The following SH3TC2 variants were observed in gnomAD, a reference collection of about 807,000 sequenced individuals.
SH3TC2 encodes the protein SH3 domain and tetratricopeptide repeats 2.
In SH3TC2, 87 loss-of-function variants were observed where a neutral mutation model predicts 124.5. The observed-to-expected ratio is 0.70, with a 90% CI of 0.59 to 0.84. The LOEUF is 0.84. SH3TC2 is among the 40% of genes least tolerant of loss of function. The probability of loss-of-function intolerance (pLI) is 0.00; values close to 1 mark genes in which losing one functional copy is unlikely to be tolerated. For missense variants in SH3TC2, 1,536 were observed against 1,566.4 expected, an observed-to-expected ratio of 0.98 and a Z score of 0.33; for synonymous variants, 634 against 628.5, an observed-to-expected ratio of 1.01 and a Z score of -0.13.
intron 12 of SH3TC2, among the ~76,000 whole-genome samples, chr5:149,021,440 A>G (rs1011217215): frequency 1.3e-5 from 2 of 152,094 alleles, no homozygotes; most frequent in African/African-American, 4.8e-5. Context: ...TGAGAGCAAA[A>G]ATAAATGATA....
chr5:149,041,454 C>A lies in SH3TC2; in HGVS notation c.693G>T (p.Leu231=). The A allele has an allele frequency of 1.2e-6, 2 of 1,613,574 alleles. No homozygotes were observed. Among genetic ancestry groups the A allele is most frequent in the Non-Finnish European group, 1.7e-6 (2 of 1,180,026 alleles). ...GAGGCAGAGGCTCCAAGGCTGACAC[C>A]AGTACCAGGCCCCGCTGACCTGTCA... ...SLVTGQRGLV[L]VSALEPLPLP... is the part of the protein sequence containing the mutation. Residue 231 remains leucine, a synonymous_variant, in exon 6 of 17, where the codon CTG becomes CTT. Transcript: ENST00000515425.
chr5:149,038,388 G>A lies in SH3TC2; in HGVS notation c.908C>T (p.Pro303Leu), dbSNP rs778572329. Residue 303 changes from proline to leucine, a missense_variant, in exon 8 of 17, where the codon CCT becomes CTT. Transcript: ENST00000515425. ...CTTTCCAATGAACCACTGAAGCCCA[G>A]GTATGACAAAGCCGATGATCTCAAT... ...ESIEIIGFVI[P>L]GLQWFIGKST... 1 of 1,614,166 alleles carries A rather than the reference G, an allele frequency of 6.2e-7. No individual in the cohort carries two copies. The highest frequency in any genetic ancestry group is 2.2e-5 in the East Asian group (1 of 44,864).
Position 149,027,251 on chromosome 5 carries a change from C to A in SH3TC2, c.2481G>T (p.Lys827Asn), listed in dbSNP as rs1235182315. 1 of 1,614,204 alleles carries A rather than the reference C, an allele frequency of 6.2e-7. No individual in the cohort carries two copies. The highest frequency in any genetic ancestry group is 1.3e-5 in the African/African-American group (1 of 75,070). Residue 827 changes from lysine to asparagine, a missense_variant, in exon 11 of 17, where the codon AAG (lysine) becomes AAT (asparagine). Physicochemically the swap from Lys to Asn is moderately conservative, Grantham distance 94 (BLOSUM62 0). Around this residue, in one of 3 missense-constraint regions of SH3TC2, gnomAD observed 1,102 missense variants for 1,098.6 expected, o/e 1.00. Coordinates refer to ENST00000515425, the MANE Select transcript of SH3TC2 (RefSeq NM_024577.4). ...CCCTTTGAGTGAGACTCTCTGTCTC[C>A]TTCAGGGAGCATAGCAGTGGCTCAA... ...DVLEPLLCSL[K>N]ETESLTQRGV...
At chr5:149,020,241 G>A (rs1274121794) in intron 12 of SH3TC2, among the ~76,000 whole-genome samples, 1 of 152,014 alleles carries the variant, frequency 6.6e-6, no homozygotes, top group Non-Finnish European at 1.5e-5. Context: ...AGGGCTGTGA[G>A]CATGATCAGG....
chr5:148,994,199 G>A lies in SH3TC2; in HGVS notation c.*10512C>T, dbSNP rs1157990437. Among the ~76,000 whole-genome samples the A allele has an allele frequency of 1.3e-5, 2 of 152,180 alleles. No homozygotes were observed. The highest frequency in any genetic ancestry group is 2.4e-5 in the African/African-American group (1 of 41,440). On this transcript the variant is annotated 3_prime_UTR_variant, in exon 17 of 17. Coordinates refer to ENST00000515425, the MANE Select transcript of SH3TC2 (RefSeq NM_024577.4). ...AATACTTGCAATATAGATAAGGCTT[G>A]GACTGGTGTCCTGAAGCTGCCACTC...
intron 16 of SH3TC2, among the ~76,000 whole-genome samples, chr5:149,005,228 C>T (rs1029347637): frequency 7.2e-5 from 11 of 152,200 alleles, no homozygotes; most frequent in African/African-American, 2.7e-4. Context: ...ACATCTGCCA[C>T]TCCCTGGGAC....
chr5:149,046,825 T>A (rs1004758424), intron 3 of SH3TC2: 3 of 152,076 alleles, frequency 2.0e-5, no homozygotes, highest in African/African-American at 7.2e-5. Flanking sequence ...ATTCCAGATA[T>A]TAAAAAAAAT....
chr5:149,051,010 C>A (rs1446966636), intron 2 of SH3TC2, among the ~76,000 whole-genome samples: 2 of 152,072 alleles, frequency 1.3e-5, no homozygotes, highest in East Asian at 3.9e-4. Context: ...TAGCGATGGG[C>A]AAGCAAAAAT....
At chr5:149,045,419 C>T (rs1754441800) in intron 3 of SH3TC2, 1 of 152,142 alleles carries the variant, frequency 6.6e-6, no homozygotes, top group African/African-American at 2.4e-5. Flanking sequence ...TTTTAAAATC[C>T]TAAATGGTAC....
rs1754370621 is a variant in SH3TC2, at chr5:149,041,497, A to G, written c.650T>C (p.Leu217Ser). 3 of 1,614,168 alleles carry G rather than the reference A, an allele frequency of 1.9e-6. No individual in the cohort carries two copies. Among genetic ancestry groups the G allele is most frequent in the Non-Finnish European group, 2.5e-6 (3 of 1,180,036 alleles). The change falls in exon 6 of 17, where the codon TTG becomes TCG. Residue 217 changes from leucine (L) to serine (S), a missense_variant. By Grantham distance (145) the Leu-to-Ser change is moderately radical (BLOSUM62 -2). Coordinates refer to ENST00000515425, the MANE Select transcript of SH3TC2 (RefSeq NM_024577.4). ...SVKMAEAGSE[L>S]EGVSLVTGQR... is the part of the protein sequence containing the mutation. Reference sequence around the variant, plus strand: ...ACCTGTCACCAAAGACACGCCTTCCAACTCGGAGCCAGCTTCTGCCATCTT... The same window carrying G: ...ACCTGTCACCAAAGACACGCCTTCCGACTCGGAGCCAGCTTCTGCCATCTT...
intron 12 of SH3TC2, 114 bp from the exon 13 acceptor site, chr5:149,012,848 A>T: frequency 1.2e-5 from 15 of 1,206,970 alleles, no homozygotes; most frequent in Non-Finnish European, 1.7e-5. Flanking sequence ...CACATCACAC[A>T]GGGAGGTGGG....
chr5:149,014,266 C>T (rs1400965283), intron 12 of SH3TC2, among the ~76,000 whole-genome samples: 3 of 152,180 alleles, frequency 2.0e-5, no homozygotes, highest in African/African-American at 7.2e-5. Flanking sequence ...AGTTGCAATC[C>T]AGGAACCTGA....
chr5:149,008,774 C>G, intron 15 of SH3TC2, 77 bp downstream of exon 15: 1 of 1,590,014 alleles, frequency 6.3e-7, no homozygotes, highest in Non-Finnish European at 8.6e-7. Flanking sequence ...CCAGGGCCTG[C>G]GGTGTTATTG....
intron 1 of SH3TC2, among the ~76,000 whole-genome samples, chr5:149,061,239 G>C (rs1464045952): frequency 6.6e-6 from 1 of 152,118 alleles, no homozygotes; most frequent in African/African-American, 2.4e-5. Context: ...TTGTTTGTTT[G>C]TTTGTTTGTT....
rs931205650 is a variant in SH3TC2 at position 148,994,280 on chromosome 5, T to C, written c.*10431A>G. Among the ~76,000 whole-genome samples, 6 of 152,246 alleles carry C rather than the reference T, an allele frequency of 3.9e-5. No individual in the cohort carries two copies. The highest frequency in any genetic ancestry group is 1.2e-4 in the African/African-American group (5 of 41,462). On this transcript the variant is annotated 3_prime_UTR_variant, in exon 17 of 17. Coordinates refer to ENST00000515425, the MANE Select transcript of SH3TC2 (RefSeq NM_024577.4). The stretch of plus-strand genomic sequence containing the variant: ...CTCTTAACCTCTTTGAACTCATTTC[T>C]TCACATGTGTTATGTGAATAACTAT...
chr5:148,993,181 T>C lies in SH3TC2; in HGVS notation c.*11530A>G, dbSNP rs987052916. Among the ~76,000 whole-genome samples, 11 of 152,154 alleles carry C rather than the reference T, an allele frequency of 7.2e-5. No individual in the cohort carries two copies. The highest frequency in any genetic ancestry group is 2.7e-4 in the African/African-American group (11 of 41,430). On this transcript the variant is annotated 3_prime_UTR_variant, in exon 17 of 17. Coordinates refer to ENST00000515425, the MANE Select transcript of SH3TC2 (RefSeq NM_024577.4). Reference sequence around the variant, plus strand: ...GACAACAGCTAACCTACACAAAGAATGTGTTAATGAGCAAACATTCACAGG... The same window carrying C: ...GACAACAGCTAACCTACACAAAGAACGTGTTAATGAGCAAACATTCACAGG...
In SH3TC2 at chr5:149,003,073, T is replaced by C. The variant is rs1753623371; in HGVS notation, c.*1638A>G. The C allele has an allele frequency of 6.6e-6, 1 of 152,422 alleles. No individual in the cohort carries two copies. The allele number at this position is 152,422 out of a possible 1,614,324, so 9.4% of individuals were successfully genotyped here. On this transcript the variant is annotated 3_prime_UTR_variant, in exon 17 of 17. Coordinates refer to ENST00000515425, the MANE Select transcript of SH3TC2 (RefSeq NM_024577.4). ...GCTGATGCTGCTGGTTAGTGGACCA[T>C]ATTTTCAGTTTGCTGAAATTAGAGA...
At chr5:149,016,026 C>G (rs1753867687) in intron 12 of SH3TC2, among the ~76,000 whole-genome samples, 1 of 152,116 alleles carries the variant, frequency 6.6e-6, no homozygotes, top group Admixed American at 6.5e-5. Context: ...ATTTCTAAAG[C>G]CTTATTTTGA....
chr5:149,006,084 C>A (rs1206340727), intron 16 of SH3TC2: 1 of 152,432 alleles, frequency 6.6e-6, no homozygotes, highest in African/African-American at 2.4e-5. Context: ...CATGATGAAA[C>A]CCCATCTTTA....
Sources: allele counts gnomAD v4.1 joint callset (sites outside exome capture counted in the v4.1 genomes callset), GRCh38; gene constraint gnomAD v4.1.1; regional missense constraint gnomAD v4.1.1; transcripts MANE v1.5; gene names NCBI Gene and HGNC (gene_info 2026-07-23, HGNC 2026-07-21).